Variants in RIMS2 observed in about 807,000 individuals in gnomAD.
RIMS2 encodes regulating synaptic membrane exocytosis protein 2.
Under a neutral mutation model 174.4 loss-of-function variants are expected in RIMS2, and 59 were observed. The ratio of observed to expected loss-of-function variants is 0.34; its 90% CI spans 0.27 to 0.42. The LOEUF (loss-of-function observed/expected upper bound fraction) is 0.42. RIMS2 is among the 10% of genes least tolerant of loss of function. The pLI is 1.00. For missense variants in RIMS2, 1,620 were observed against 1,666.3 expected, an observed-to-expected ratio of 0.97 and a Z score of 0.48; for synonymous variants, 606 against 572.5, an observed-to-expected ratio of 1.06 and a Z score of -0.84.
At chr8:104,044,264 A>G (rs1179626399) in intron 19 of RIMS2, among the ~76,000 whole-genome samples, 3 of 151,670 alleles carry the variant, frequency 2.0e-5, no homozygotes, top group Non-Finnish European at 4.4e-5. Flanking sequence ...GAAGCTCAGG[A>G]TAGTAGGGTT....
At chr8:103,975,826 A>C (rs13251060) in intron 16 of RIMS2, 39,008 of 190,824 alleles carry the variant, frequency 0.2, 4,837 homozygotes, top group Middle Eastern at 0.37. Flanking sequence ...CAAAGGCCAA[A>C]GAACCTAGTG....
At position 103,787,022 on chromosome 8, in the gene RIMS2, G is replaced by A. The variant is rs1214316845; in HGVS notation, c.698+20485G>A. Among the ~76,000 whole-genome samples, 14 of 150,632 alleles carry A rather than the reference G, an allele frequency of 9.3e-5. 1 individual carries two copies. The East Asian group carries it at 2.3e-3, about 25-fold the overall frequency. On this transcript the variant is annotated intron_variant, in intron 3 of 23. Transcript: ENST00000504942. ...GTTGAATTGATCCCTTTACCATTAT[G>A]TAATGGCCTTCTTTGTCTCTTTTGA...
chr8:104,180,394 A>G (rs754463835), intron 19 of RIMS2, among the ~76,000 whole-genome samples: 16 of 150,810 alleles, frequency 1.1e-4, no homozygotes, highest in Non-Finnish European at 1.8e-4. Context: ...CCAATCTGGT[A>G]CAAATTTTCA....
chr8:103,699,349 C>G (rs1469683886), intron 2 of RIMS2, among the ~76,000 whole-genome samples: 1 of 152,082 alleles, frequency 6.6e-6, no homozygotes, highest in Non-Finnish European at 1.5e-5. Flanking sequence ...ACTTTGGCCT[C>G]CCGAGTAGCA....
intron 2 of RIMS2, among the ~76,000 whole-genome samples, chr8:103,735,800 G>A (rs772887852): frequency 3.3e-5 from 5 of 152,058 alleles, no homozygotes; most frequent in Non-Finnish European, 5.9e-5. Flanking sequence ...TGGGAGAGAC[G>A]TTTTTTTGTT....
chr8:104,197,429 G>C (rs2099030638), intron 19 of RIMS2, among the ~76,000 whole-genome samples: 1 of 151,950 alleles, frequency 6.6e-6, no homozygotes, highest in African/African-American at 2.4e-5. Flanking sequence ...CACTCGCCTG[G>C]GTCTCCCAAA....
intron 1 of RIMS2, among the ~76,000 whole-genome samples, chr8:103,694,208 C>G (rs1252278890): frequency 6.6e-6 from 1 of 152,126 alleles, no homozygotes; most frequent in Non-Finnish European, 1.5e-5. Context: ...TTTGCAGGTT[C>G]TGATCTTTGC....
At chr8:103,551,757 G>C (rs1848041365) in intron 1 of RIMS2, among the ~76,000 whole-genome samples, 1 of 152,090 alleles carries the variant, frequency 6.6e-6, no homozygotes, top group Admixed American at 6.5e-5. Context: ...CAAAGTCTCA[G>C]GATACAAAAA....
intron 1 of RIMS2, among the ~76,000 whole-genome samples, chr8:103,633,576 C>A (rs893847835): frequency 6.6e-6 from 1 of 152,098 alleles, no homozygotes; most frequent in African/African-American, 2.4e-5. Context: ...TGTCTTCCCC[C>A]CTCAGTTATT....
chr8:103,867,511 T>A, intron 3 of RIMS2, among the ~76,000 whole-genome samples: 1 of 151,910 alleles, frequency 6.6e-6, no homozygotes, highest in East Asian at 1.9e-4. Flanking sequence ...GGCAAATAAC[T>A]CATTATAAAA....
intron 1 of RIMS2, among the ~76,000 whole-genome samples, chr8:103,545,947 C>G (rs112771946): frequency 6.6e-6 from 1 of 152,146 alleles, no homozygotes; most frequent in Non-Finnish European, 1.5e-5. Flanking sequence ...ACATAGATCA[C>G]TGACACTATA....
chr8:104,079,944 G>T (rs2097380558), intron 19 of RIMS2, among the ~76,000 whole-genome samples: 1 of 151,752 alleles, frequency 6.6e-6, no homozygotes, highest in Non-Finnish European at 1.5e-5. Flanking sequence ...TCTAGAGAAG[G>T]TGAATTTTAA....
At chr8:103,794,296 G>A (rs1054633714) in intron 3 of RIMS2, among the ~76,000 whole-genome samples, 3 of 152,100 alleles carry the variant, frequency 2.0e-5, no homozygotes, top group African/African-American at 7.2e-5. Flanking sequence ...AAAACCATCT[G>A]ATCTTTGACA....
At chr8:103,726,521 G>T (rs1440427575) in intron 2 of RIMS2, among the ~76,000 whole-genome samples, 9 of 151,514 alleles carry the variant, frequency 5.9e-5, no homozygotes, top group African/African-American at 2.2e-4. Flanking sequence ...CTTTATTTTA[G>T]AATCAATTTG....
chr8:103,756,569 G>C (rs1471320576), intron 2 of RIMS2, among the ~76,000 whole-genome samples: 2 of 151,630 alleles, frequency 1.3e-5, no homozygotes, highest in African/African-American at 4.8e-5. Context: ...TGGTGGGGTG[G>C]GCCACGCCAC....
rs1204664166 is a variant in RIMS2 at position 103,608,516 on chromosome 8, C to T, written c.177-88570C>T. Among the ~76,000 whole-genome samples the T allele has an allele frequency of 2.8e-5, 4 of 144,288 alleles. No homozygotes were observed. In the South Asian group the frequency reaches 8.5e-4, roughly 31 times the overall value. The allele number at this position is 144,288 out of a possible 152,430, so 94.7% of individuals were successfully genotyped here. ...AGGCCTCCTTGAGCTGTGGTGGGCT[C>T]CACCCAGTTCGAGCTTCCCGCTGCT... On this transcript the variant is annotated intron_variant, in intron 1 of 23. Transcript: ENST00000504942.
rs80123867 is a variant in RIMS2, at chr8:104,210,835, A to G, written c.3335-34081A>G. On this transcript the variant is annotated intron_variant, in intron 19 of 23. Coordinates refer to ENST00000504942, the Ensembl canonical transcript of RIMS2. ...GTATAACCTGAAGCAATATGTCCTA[A>G]TATTTTAAATAAGGAGCTCAGTTCA... 8.8e-3 allele frequency among the ~76,000 whole-genome samples: 1,342 copies of G among 152,346 alleles called. 17 individuals are homozygous for G. The highest frequency in any genetic ancestry group is 0.031 in the African/African-American group (1,296 of 41,572).
At chr8:103,782,284 G>A (rs751318075) in intron 3 of RIMS2, among the ~76,000 whole-genome samples, 3 of 151,882 alleles carry the variant, frequency 2.0e-5, no homozygotes, top group Non-Finnish European at 4.4e-5. Flanking sequence ...AGCAGCATAT[G>A]TTGGAAATCT....
At chr8:104,156,124 A>G (rs2098722205) in intron 19 of RIMS2, among the ~76,000 whole-genome samples, 1 of 152,238 alleles carries the variant, frequency 6.6e-6, no homozygotes, top group Admixed American at 6.5e-5. Context: ...TAATATATAC[A>G]AACCCTGAAA....
Sources: gnomAD v4.1 joint callset for allele counts (sites outside exome capture counted in the v4.1 genomes callset) on GRCh38, gnomAD v4.1.1 for gene constraint, MANE v1.5 for transcripts, NCBI Gene and HGNC (gene_info 2026-07-23, HGNC 2026-07-21) for gene names.